Variants in SPOCK1 observed in about 807,000 individuals in gnomAD.
SPOCK1 encodes SPARC (osteonectin), cwcv and kazal like domains proteoglycan 1.
A neutral mutation model predicts 55.3 loss-of-function variants in SPOCK1; 23 were observed. The observed-to-expected ratio is 0.42, with a 90% CI of 0.30 to 0.59. The LOEUF (loss-of-function observed/expected upper bound fraction) is 0.59, where lower values mean the gene tolerates loss of function less well. SPOCK1 is among the 20% of genes least tolerant of loss of function. The pLI is 0.22. For missense variants in SPOCK1, 499 were observed against 552.5 expected (o/e 0.90, Z 0.97); for synonymous variants, 226 against 221.0 (o/e 1.02, Z -0.20).
chr5:137,254,999 C>T (rs1335546387), intron 3 of SPOCK1, among the ~76,000 whole-genome samples: 2 of 152,226 alleles, frequency 1.3e-5, no homozygotes, highest in African/African-American at 2.4e-5. Context: ...GATGGAGATG[C>T]AGGCCAACCA....
intron 3 of SPOCK1, among the ~76,000 whole-genome samples, chr5:137,256,312 G>A (rs145359339): frequency 2.0e-5 from 3 of 152,326 alleles, no homozygotes; most frequent in Admixed American, 1.3e-4. Context: ...TTTAGGCCTT[G>A]TACTGGTCCA....
chr5:137,012,007 C>A (rs116325441), intron 6 of SPOCK1, among the ~76,000 whole-genome samples: 2 of 152,262 alleles, frequency 1.3e-5, no homozygotes, highest in South Asian at 2.1e-4. Context: ...TCATTTATTT[C>A]TTTTTTCATT....
At chr5:137,303,244 C>T (rs1450614227) in intron 2 of SPOCK1, among the ~76,000 whole-genome samples, 2 of 152,096 alleles carry the variant, frequency 1.3e-5, no homozygotes, top group Admixed American at 6.5e-5. Context: ...CAATGATTTA[C>T]AGAATGCCTA....
At chr5:137,063,790 A>C (rs1245383303) in intron 6 of SPOCK1, among the ~76,000 whole-genome samples, 2 of 152,236 alleles carry the variant, frequency 1.3e-5, no homozygotes, top group Non-Finnish European at 2.9e-5. Flanking sequence ...CTTGAAAGCC[A>C]ATTTGAGGCA....
At chr5:137,405,770 G>A (rs1752084254) in intron 2 of SPOCK1, among the ~76,000 whole-genome samples, 1 of 151,986 alleles carries the variant, frequency 6.6e-6, no homozygotes, top group Non-Finnish European at 1.5e-5. Context: ...AATTTAAGAG[G>A]ATATTCCTTG....
chr5:137,225,211 G>A (rs1035644420), intron 3 of SPOCK1, among the ~76,000 whole-genome samples: 9 of 151,996 alleles, frequency 5.9e-5, no homozygotes, highest in African/African-American at 1.9e-4. Flanking sequence ...GCCAAGTGCA[G>A]AACTGGGCTC....
chr5:137,043,440 AG>A (rs1752038763), intron 6 of SPOCK1, among the ~76,000 whole-genome samples: 1 of 152,244 alleles, frequency 6.6e-6, no homozygotes, highest in Admixed American at 6.5e-5. Context: ...CTTTAAGTGT[AG>A]GCTATGCGTA....
At chr5:137,300,426 C>G (rs978872388) in intron 2 of SPOCK1, among the ~76,000 whole-genome samples, 1 of 152,080 alleles carries the variant, frequency 6.6e-6, no homozygotes, top group Non-Finnish European at 1.5e-5. Flanking sequence ...ACATGCCTAG[C>G]GATTTGTATT....
At chr5:137,250,475 T>C (rs1394246162) in intron 3 of SPOCK1, among the ~76,000 whole-genome samples, 1 of 152,220 alleles carries the variant, frequency 6.6e-6, no homozygotes, top group African/African-American at 2.4e-5. Context: ...CATTTTAACA[T>C]TGAAATCAGG....
chr5:137,154,010 G>A (rs976888215), intron 3 of SPOCK1, among the ~76,000 whole-genome samples: 8 of 151,306 alleles, frequency 5.3e-5, no homozygotes, highest in South Asian at 2.1e-4. Context: ...TAATAAGGCC[G>A]GGCATGGTGG....
chr5:137,326,806 A>G (rs192040563), intron 2 of SPOCK1, among the ~76,000 whole-genome samples: 71 of 152,350 alleles, frequency 4.7e-4, no homozygotes, highest in African/African-American at 1.7e-3. Flanking sequence ...TCGGAATTTT[A>G]ATCTGGAGAT....
At chr5:137,449,886 C>CAAAAAAAAAAAAAAAAAAAAAA (rs562723108) in intron 2 of SPOCK1, among the ~76,000 whole-genome samples, 5 of 52,912 alleles carry the variant, frequency 9.4e-5, no homozygotes, top group African/African-American at 2.4e-4. Flanking sequence ...GATGCTGTCT[C>CAAAAAAAAAAAAAAAAAAAAAA]AAAAAAAAAA....
At chr5:137,215,406 G>C (rs189020583) in intron 3 of SPOCK1, among the ~76,000 whole-genome samples, 15 of 152,188 alleles carry the variant, frequency 9.9e-5, no homozygotes, top group Non-Finnish European at 1.9e-4. Flanking sequence ...ACCTAGAGAA[G>C]ACTTACATCA....
At chr5:137,134,307 C>G (rs1432627582) in intron 4 of SPOCK1, among the ~76,000 whole-genome samples, 2 of 152,220 alleles carry the variant, frequency 1.3e-5, no homozygotes, top group East Asian at 1.9e-4. Context: ...TCCTTCTCAT[C>G]TTCTTTACTG....
intron 9 of SPOCK1, 116 bp downstream of exon 9, chr5:136,985,024 G>C: frequency 9.4e-7 from 1 of 1,060,156 alleles, no homozygotes. Context: ...TTAAAACAAG[G>C]CATTTCTTTC....
intron 6 of SPOCK1, among the ~76,000 whole-genome samples, chr5:137,006,865 T>A (rs1157201009): frequency 3.6e-4 from 55 of 152,168 alleles, no homozygotes; most frequent in Non-Finnish European, 1.3e-4. Flanking sequence ...TTTTGAGATA[T>A]GTTCCATCAA....
At chr5:137,272,852 T>C (rs1273876034) in intron 2 of SPOCK1, among the ~76,000 whole-genome samples, 4 of 150,994 alleles carry the variant, frequency 2.6e-5, no homozygotes, top group South Asian at 2.1e-4. Flanking sequence ...CCTTGCTAAA[T>C]CACATCAAAT....
At chr5:137,080,651 C>T (rs1277402119) in intron 5 of SPOCK1, among the ~76,000 whole-genome samples, 1 of 152,094 alleles carries the variant, frequency 6.6e-6, no homozygotes, top group Admixed American at 6.6e-5. Context: ...ACAGCCAGCA[C>T]ACAGTAGGTG....
At chr5:136,982,741 C>A (rs150595780) in intron 9 of SPOCK1, among the ~76,000 whole-genome samples, 3 of 152,046 alleles carry the variant, frequency 2.0e-5, no homozygotes, top group African/African-American at 7.2e-5. Context: ...ATTGTCATTT[C>A]TTTTTCATTA....
Sources: gnomAD v4.1 joint callset for allele counts (sites outside exome capture counted in the v4.1 genomes callset) on GRCh38, gnomAD v4.1.1 for gene constraint, MANE v1.5 for transcripts, NCBI Gene and HGNC (gene_info 2026-07-23, HGNC 2026-07-21) for gene names.